Variants in NCOA2 observed in about 807,000 individuals in gnomAD.
NCOA2 encodes the protein class E basic helix-loop-helix protein 75.
In NCOA2, 21 loss-of-function variants were observed where a neutral mutation model predicts 145.1. The ratio of observed to expected loss-of-function variants is 0.14; its 90% CI spans 0.10 to 0.21. The LOEUF (loss-of-function observed/expected upper bound fraction) is 0.21, where lower values mean the gene tolerates loss of function less well. Among genes scored for constraint, NCOA2 ranks in the 10% least tolerant of loss-of-function variants. NCOA2 has a pLI of 1.00. For missense variants in NCOA2, 1,472 were observed against 1,837.6 expected, an observed-to-expected ratio of 0.80 and a Z score of 3.64; for synonymous variants, 619 against 637.5, an observed-to-expected ratio of 0.97 and a Z score of 0.44.
At chr8:70,312,490 C>T (rs1367352251) in intron 1 of NCOA2, among the ~76,000 whole-genome samples, 2 of 152,282 alleles carry the variant, frequency 1.3e-5, no homozygotes, top group Admixed American at 6.5e-5. Flanking sequence ...TAGCATTTCA[C>T]AAATTTGCTG....
intron 2 of NCOA2, among the ~76,000 whole-genome samples, chr8:70,219,593 T>A (rs1819957628): frequency 1.3e-5 from 2 of 151,650 alleles, no homozygotes; most frequent in South Asian, 4.2e-4. Flanking sequence ...TCTGAATCAC[T>A]GCAAATCACC....
chr8:70,250,490 A>G (rs1286456139), intron 2 of NCOA2, among the ~76,000 whole-genome samples: 1 of 150,474 alleles, frequency 6.6e-6, no homozygotes, highest in Non-Finnish European at 1.5e-5. Context: ...GGATCATTTG[A>G]GCCCAGGAGG....
chr8:70,141,175 C>G lies in NCOA2; in HGVS notation c.3028+9G>C. On this transcript the variant is annotated intron_variant, in intron 14 of 22. Transcript: ENST00000452400. ...AAGTTAAAAGCAAACAGCACTAGAG[C>G]CACCTTACCTATATTCATGACCTGA... 6.2e-7 allele frequency: 1 copy of G among 1,612,146 alleles called. No homozygotes were observed. The highest frequency in any genetic ancestry group is 8.5e-7 in the Non-Finnish European group (1 of 1,179,042).
intron 2 of NCOA2, among the ~76,000 whole-genome samples, chr8:70,270,365 T>C (rs1339812821): frequency 2.6e-5 from 4 of 152,162 alleles, no homozygotes; most frequent in Admixed American, 2.0e-4. Flanking sequence ...CTTTAAAGTG[T>C]AGTCCTTCAA....
At chr8:70,417,459 G>C in the NCOA2 span, among the ~76,000 whole-genome samples, 1 of 152,008 alleles carries the variant, frequency 6.6e-6, no homozygotes, top group South Asian at 2.1e-4. Flanking sequence ...TGAGGCAGGA[G>C]AATTGCTTTA....
chr8:70,117,429 TC>T (rs1807266394), intron 22 of NCOA2, among the ~76,000 whole-genome samples: 1 of 152,216 alleles, frequency 6.6e-6, no homozygotes, highest in South Asian at 2.1e-4. Context: ...GGGAGGTTCC[TC>T]CCTCCTGAGA....
chr8:70,255,450 G>A (rs554724008), intron 2 of NCOA2, among the ~76,000 whole-genome samples: 6 of 152,246 alleles, frequency 3.9e-5, no homozygotes, highest in African/African-American at 1.4e-4. Flanking sequence ...AGCATACATA[G>A]GTAATTCTAT....
At chr8:70,454,341 G>T in the NCOA2 span, among the ~76,000 whole-genome samples, 5 of 152,218 alleles carry the variant, frequency 3.3e-5, no homozygotes, top group Non-Finnish European at 7.3e-5. Context: ...TGAGAAAAGA[G>T]TGAATGACAG....
chr8:70,145,771 A>G (rs1563519983), intron 12 of NCOA2, among the ~76,000 whole-genome samples: 2 of 152,136 alleles, frequency 1.3e-5, no homozygotes. Context: ...CTAGGACTAC[A>G]GGTAAGTACC....
At chr8:70,305,168 T>C (rs1827795870) in intron 1 of NCOA2, among the ~76,000 whole-genome samples, 1 of 151,444 alleles carries the variant, frequency 6.6e-6, no homozygotes, top group Non-Finnish European at 1.5e-5. Flanking sequence ...TTTACAGGCG[T>C]GACCCACCAC....
chr8:70,118,495 G>A (rs1391181951), intron 22 of NCOA2, among the ~76,000 whole-genome samples: 5 of 152,090 alleles, frequency 3.3e-5, no homozygotes, highest in Non-Finnish European at 7.4e-5. Context: ...CAGCACCTCT[G>A]CCACTCGGGA....
chr8:70,436,208 T>C, the NCOA2 span, among the ~76,000 whole-genome samples: 1 of 152,228 alleles, frequency 6.6e-6, no homozygotes, highest in Non-Finnish European at 1.5e-5. Flanking sequence ...TTTAGCCTAA[T>C]GCCCAGACGT....
chr8:70,234,213 A>C (rs1409613369), intron 2 of NCOA2, among the ~76,000 whole-genome samples: 1 of 152,182 alleles, frequency 6.6e-6, no homozygotes, highest in East Asian at 1.9e-4. Context: ...TTTATGGCCA[A>C]ATATTCCATT....
At chr8:70,344,692 G>C (rs1808457727) in intron 1 of NCOA2, among the ~76,000 whole-genome samples, 1 of 152,116 alleles carries the variant, frequency 6.6e-6, no homozygotes, top group Admixed American at 6.6e-5. Flanking sequence ...AGCAGGACTG[G>C]GGGGAGTAAA....
At chr8:70,264,275 T>C (rs1349867713) in intron 2 of NCOA2, among the ~76,000 whole-genome samples, 1 of 151,208 alleles carries the variant, frequency 6.6e-6, no homozygotes, top group Non-Finnish European at 1.5e-5. Context: ...CCCGCCACTT[T>C]GGGAGGCTGA....
In NCOA2 at chr8:70,124,832, C is replaced by T; in HGVS notation, c.3950G>A (p.Gly1317Glu). The T allele has an allele frequency of 1.2e-6, 2 of 1,604,740 alleles. No individual in the cohort carries two copies. Among genetic ancestry groups the T allele is most frequent in the Non-Finnish European group, 8.5e-7 (1 of 1,176,918 alleles). Reference protein sequence around the residue: ...ISQQPDPGFTGATTPQSPLMS... With the variant: ...ISQQPDPGFTEATTPQSPLMS... The stretch of plus-strand genomic sequence containing the variant: ...AAGTGGGCTCTGGGGAGTCGTAGCC[C>T]CAGTAAAGCCTGGATCAGGTTGCTG... The change falls in exon 20 of 23, where the codon GGG (glycine) becomes GAG (glutamate). Residue 1317 changes from glycine (G) to glutamate (E), a missense_variant. Physicochemically the swap from Gly to Glu is moderately conservative, Grantham distance 98. Coordinates refer to ENST00000452400, the MANE Select transcript of NCOA2 (RefSeq NM_006540.4).
At chr8:70,242,738 CTT>C (rs1822251657) in intron 2 of NCOA2, among the ~76,000 whole-genome samples, 1 of 152,062 alleles carries the variant, frequency 6.6e-6, no homozygotes, top group Non-Finnish European at 1.5e-5. Flanking sequence ...TCTTCCCAAA[CTT>C]TTACCTTCTC....
intron 2 of NCOA2, among the ~76,000 whole-genome samples, chr8:70,229,613 C>T (rs796215574): frequency 2.0e-5 from 3 of 152,252 alleles, no homozygotes; most frequent in African/African-American, 7.2e-5. Context: ...GTGGGTCCTT[C>T]CCCTCCTCAC....
At chr8:70,430,968 G>T in the NCOA2 span, among the ~76,000 whole-genome samples, 85 of 152,038 alleles carry the variant, frequency 5.6e-4, no homozygotes, top group Non-Finnish European at 9.7e-4. Flanking sequence ...CAAAAATGAA[G>T]GTCTCCACTG....
Sources: allele counts gnomAD v4.1 joint callset (sites outside exome capture counted in the v4.1 genomes callset), GRCh38; gene constraint gnomAD v4.1.1; transcripts MANE v1.5; gene names NCBI Gene and HGNC (gene_info 2026-07-23, HGNC 2026-07-21).